LSS: variants seen among roughly 807,000 people sequenced by gnomAD.
LSS encodes the protein 2,3-epoxysqualene-lanosterol cyclase.
LSS carries 90 observed loss-of-function variants against 110.3 expected under a neutral mutation model. The ratio of observed to expected loss-of-function variants is 0.82; its 90% CI spans 0.69 to 0.97. The LOEUF is 0.97. LSS is among the 50% of genes least tolerant of loss of function. The pLI is 0.00. For missense variants in LSS, 927 were observed against 990.0 expected (o/e 0.94, Z 0.85); for synonymous variants, 433 against 400.0 (o/e 1.08, Z -0.98).
chr21:46,228,518 G>A lies in LSS; in HGVS notation c.96C>T (p.Gly32=). The A allele has an allele frequency of 6.2e-7, 1 of 1,601,094 alleles. No individual in the cohort carries two copies. Among genetic ancestry groups the A allele is most frequent in the African/African-American group, 1.3e-5 (1 of 74,982 alleles). Residue 32 remains glycine (G), a synonymous_variant, in exon 2 of 22, where the codon GGC becomes GGT. Transcript: ENST00000397728. Reference sequence around the variant, plus strand: ...CCTGCAGGTAGGTCCACGTCTGCCGGCCCCTCTCGCAGTTGAGTCGCCAGC... The same window carrying A: ...CCTGCAGGTAGGTCCACGTCTGCCGACCCCTCTCGCAGTTGAGTCGCCAGC... The part of the protein sequence containing the change: ...LGRWRLNCER[G]RQTWTYLQDE...
intron 17 of LSS, among the ~76,000 whole-genome samples, chr21:46,199,480 T>C (rs1226767992): frequency 1.3e-5 from 2 of 152,186 alleles, no homozygotes; most frequent in East Asian, 1.9e-4. Context: ...AAACACACTC[T>C]TACCATAGGA....
At chr21:46,192,051 G>T in intron 20 of LSS, 92 bp from the exon 21 acceptor site, 1 of 977,888 alleles carries the variant, frequency 1.0e-6, no homozygotes, top group Non-Finnish European at 1.6e-6. Flanking sequence ...GGCAAACCCT[G>T]GAATGCTGCA....
intron 17 of LSS, among the ~76,000 whole-genome samples, chr21:46,199,826 C>T (rs2079957055): frequency 6.6e-6 from 1 of 152,202 alleles, no homozygotes; most frequent in Non-Finnish European, 1.5e-5. Context: ...GCGCAGAGGA[C>T]TCCGGGGCAG....
intron 3 of LSS, chr21:46,225,440 CCGGGAAAGGGAAT>C: frequency 2.2e-6 from 1 of 449,666 alleles, no homozygotes; most frequent in Non-Finnish European, 4.4e-6. Flanking sequence ...ACTTAGCATA[CCGGGAAAGGGAAT>C]CTCCCTTTCC....
At chr21:46,195,564 A>G in intron 19 of LSS, 112 bp downstream of exon 19, 1 of 669,156 alleles carries the variant, frequency 1.5e-6, no homozygotes, top group Non-Finnish European at 2.2e-6. Context: ...TCCGTCTCAA[A>G]AACAAACAAA....
rs536709673 is a variant in LSS at position 46,196,409 on chromosome 21, T to C, written c.1671-142A>G. The C allele has an allele frequency of 2.4e-5, 16 of 680,780 alleles. No homozygotes were observed. In the South Asian group the frequency reaches 2.7e-4, roughly 12 times the overall value. 42.2% of individuals were successfully genotyped at this position (680,780 alleles called of 1,614,324 possible). A position where few individuals can be genotyped will look rare whatever the true frequency, so the allele number is the denominator to read the frequency against. On this transcript the variant is annotated intron_variant, in intron 17 of 21. Transcript: ENST00000397728. ...AAAATAAACAGTTTACACAGACCGA[T>C]GAGGGTTTTAAAAAGAAGCAACCAC... is the stretch of plus-strand genomic sequence containing the variant.
At chr21:46,211,614 G>T (rs905108269) in intron 11 of LSS, among the ~76,000 whole-genome samples, 13 of 152,200 alleles carry the variant, frequency 8.5e-5, no homozygotes, top group South Asian at 6.2e-4. Context: ...TGGGGACTGG[G>T]CAGGGGGTGG....
At chr21:46,225,387 C>T (rs1320147768) in intron 3 of LSS, 3 of 453,456 alleles carry the variant, frequency 6.6e-6, no homozygotes, top group South Asian at 4.7e-5. Context: ...CGGACCCAAC[C>T]GTGGTCTAGC....
At chr21:46,196,305 AACAGC>A in intron 17 of LSS, 38 bp from the exon 18 acceptor site, 2 of 1,559,366 alleles carry the variant, frequency 1.3e-6, no homozygotes, top group Non-Finnish European at 1.8e-6. Context: ...ATTCTGGTAA[AACAGC>A]AGTTTACCTA....
intron 11 of LSS, among the ~76,000 whole-genome samples, chr21:46,212,762 C>T (rs991975465): frequency 1.3e-5 from 2 of 152,200 alleles, no homozygotes; most frequent in African/African-American, 2.4e-5. Context: ...CTGGGTCTGT[C>T]GTTACACAGC....
intron 4 of LSS, chr21:46,222,245 C>T (rs748504404): frequency 3.0e-5 from 16 of 540,378 alleles, no homozygotes; most frequent in South Asian, 4.3e-5. Context: ...AGCTCAAGGG[C>T]GGTCCACTTT....
rs778936044 is a variant in LSS, at chr21:46,194,474, GGTCCC to G, written c.1988+12_1988+16del. 5 of 1,612,232 alleles carry G rather than the reference GGTCCC, an allele frequency of 3.1e-6. No homozygotes were observed. The highest frequency in any genetic ancestry group is 1.3e-5 in the African/African-American group (1 of 75,034). On this transcript the variant is annotated intron_variant, in intron 20 of 21. Transcript: ENST00000397728. The stretch of plus-strand genomic sequence containing the variant: ...CTACCCAAACCCAAGGCTCAGGGAC[GGTCCC>G]GTCGTCCCCACCGAACGGCCATCAG...
chr21:46,188,609 G>C lies in LSS; in HGVS notation c.*2495C>G. The stretch of plus-strand genomic sequence containing the variant: ...ACCCTCCCAGCACCGAGAAGCCGAC[G>C]GGGGAGGAACAGACTCCTCTGCATT... On this transcript the variant is annotated 3_prime_UTR_variant, in exon 22 of 22. Coordinates refer to ENST00000397728, the MANE Select transcript of LSS (RefSeq NM_002340.6). The C allele has an allele frequency of 4.3e-6, 2 of 470,368 alleles. No individual in the cohort carries two copies. Among genetic ancestry groups the C allele is most frequent in the Non-Finnish European group, 8.8e-6 (2 of 226,974 alleles). 29.1% of individuals were successfully genotyped at this position (470,368 alleles called of 1,614,324 possible). A position where few individuals can be genotyped will look rare whatever the true frequency, so the allele number is the denominator to read the frequency against.
chr21:46,209,635 A>C lies in LSS; in HGVS notation c.1195-10T>G. On this transcript the variant is annotated splice_polypyrimidine_tract_variant and intron_variant, in intron 12 of 21. Coordinates refer to ENST00000397728, the MANE Select transcript of LSS (RefSeq NM_002340.6). The surrounding 1 kb of genome is among the most constrained non-coding windows in gnomAD (Gnocchi z 4.4). Reference sequence around the variant, plus strand: ...TGTGGTGCCCGCCCGCCTGGAAGAGACAGCAGGACAGAGAGGCTCAGCTGC... The same window carrying C: ...TGTGGTGCCCGCCCGCCTGGAAGAGCCAGCAGGACAGAGAGGCTCAGCTGC... 6.2e-7 allele frequency: 1 copy of C among 1,606,186 alleles called. No homozygotes were observed. The highest frequency in any genetic ancestry group is 8.5e-7 in the Non-Finnish European group (1 of 1,176,812).
intron 19 of LSS, 99 bp from the exon 20 acceptor site, chr21:46,194,760 C>T: frequency 8.0e-7 from 1 of 1,256,290 alleles, no homozygotes. Flanking sequence ...GGGGAGGAGC[C>T]TGCACGATGG....
Position 46,228,613 on chromosome 21 carries a change from G to T in LSS, c.15-14C>A, listed in dbSNP as rs1436791661. The T allele has an allele frequency of 1.2e-5, 19 of 1,591,698 alleles. No individual in the cohort carries two copies. The highest frequency in any genetic ancestry group is 1.6e-5 in the Non-Finnish European group (19 of 1,175,850). On this transcript the variant is annotated splice_polypyrimidine_tract_variant and intron_variant, in intron 1 of 21. Transcript: ENST00000397728. ...CGCCGCAGACACCTGAGGACCACCG[G>T]CCATCAGCGACCCAGGCCCCGCCCC...
rs1280631132 is a variant in LSS, at chr21:46,205,950, G to C, written c.1565-9C>G. 1.9e-6 allele frequency: 3 copies of C among 1,589,986 alleles called. No homozygotes were observed. Among genetic ancestry groups the C allele is most frequent in the Non-Finnish European group, 2.6e-6 (3 of 1,164,378 alleles). ...GTCAATCATGATGTCCCCTGGGAAAGGGAGGGAAGAACCAAGTGTTGGGTT... is the reference window on the plus strand; with the variant it reads ...GTCAATCATGATGTCCCCTGGGAAACGGAGGGAAGAACCAAGTGTTGGGTT... On this transcript the variant is annotated splice_polypyrimidine_tract_variant and intron_variant, in intron 16 of 21. Coordinates refer to ENST00000397728, the MANE Select transcript of LSS (RefSeq NM_002340.6).
At chr21:46,218,947 G>T (rs901860343) in intron 6 of LSS, among the ~76,000 whole-genome samples, 7 of 152,006 alleles carry the variant, frequency 4.6e-5, no homozygotes, top group African/African-American at 1.7e-4. Context: ...GGATGGTCTC[G>T]ATCCCTTGAC....
chr21:46,208,873 G>A (rs916958098), intron 13 of LSS, among the ~76,000 whole-genome samples: 1 of 152,188 alleles, frequency 6.6e-6, no homozygotes, highest in African/African-American at 2.4e-5. Context: ...TGGCCACACA[G>A]AGGCCAGGAA....
Sources: allele counts gnomAD v4.1 joint callset (sites outside exome capture counted in the v4.1 genomes callset), GRCh38; gene constraint gnomAD v4.1.1; non-coding constraint Gnocchi (gnomAD v3.1); transcripts MANE v1.5; gene names NCBI Gene and HGNC (gene_info 2026-07-23, HGNC 2026-07-21).